Variants in AMTN observed in about 807,000 individuals in gnomAD.
The protein encoded by AMTN is amelotin.
In AMTN, 29 loss-of-function variants were observed where a neutral mutation model predicts 27.4. The observed-to-expected ratio is 1.06, with a 90% confidence interval of 0.79 to 1.44. AMTN has a LOEUF of 1.44. Ranked by LOEUF, AMTN falls within the 40% of genes most tolerant of loss-of-function variation. The probability of loss-of-function intolerance (pLI) is 0.00; values close to 1 mark genes in which losing one functional copy is unlikely to be tolerated. For synonymous variants in AMTN, 86 were observed against 95.7 expected, an observed-to-expected ratio of 0.90 and a Z score of 0.59; for missense variants, 247 against 248.8, an observed-to-expected ratio of 0.99 and a Z score of 0.05.
Position 70,532,465 on chromosome 4 carries a change from A to C in AMTN, c.630A>C (p.Ter210TyrextTer8). 6.2e-7 allele frequency: 1 copy of C among 1,606,670 alleles called. No individual in the cohort carries two copies. The highest frequency in any genetic ancestry group is 1.1e-5 in the South Asian group (1 of 89,620). The change falls in exon 9 of 9, where the codon TAA becomes TAC. Residue 210 changes from the stop codon to tyrosine, a stop_lost. Transcript: ENST00000339336. Reference protein sequence around the residue: ...ATTESANGIQ* With the variant: ...ATTESANGIQY ...TTTATTTTCTTCCAGGAATTCAGTA[A>C]GCTGTTTCAAATTTTTTCAACTAAG...
intron 4 of AMTN, 101 bp from the exon 5 acceptor site, chr4:70,524,771 C>A: frequency 9.1e-7 from 1 of 1,098,226 alleles, no homozygotes; most frequent in South Asian, 1.3e-5. Context: ...CATAGCAACT[C>A]CTTCCTTTAA....
intron 5 of AMTN, among the ~76,000 whole-genome samples, chr4:70,527,643 A>T (rs983860245): frequency 7.9e-5 from 12 of 152,218 alleles, no homozygotes; most frequent in Non-Finnish European, 1.6e-4. Flanking sequence ...AGTCTATTTC[A>T]TAAGACTTTC....
chr4:70,530,980 A>C, intron 7 of AMTN, 59 bp from the exon 8 acceptor site: 1 of 1,590,028 alleles, frequency 6.3e-7, no homozygotes, highest in Non-Finnish European at 8.6e-7. Context: ...CTCCCCTTAA[A>C]AGAGAAAAGA....
chr4:70,523,860 C>T lies in AMTN; in HGVS notation c.139-8C>T, dbSNP rs761441656. ...CTTGTCTCATACATCACTTTCAATC[C>T]CCTGCAGGTCTTTCCTTCTTTAAGT... On this transcript the variant is annotated splice_region_variant and splice_polypyrimidine_tract_variant and intron_variant, in intron 3 of 8. Transcript: ENST00000339336. The T allele has an allele frequency of 7.4e-6, 12 of 1,612,378 alleles. No homozygotes were observed. Among genetic ancestry groups the T allele is most frequent in the African/African-American group, 1.3e-5 (1 of 74,860 alleles).
Position 70,518,644 on chromosome 4 carries a change from T to C in AMTN, c.-26T>C, listed in dbSNP as rs1735872083. On this transcript the variant is annotated 5_prime_UTR_variant, in exon 1 of 9. Coordinates refer to ENST00000339336, the MANE Select transcript of AMTN (RefSeq NM_212557.4). Reference sequence around the variant, plus strand: ...CTTGAGTATTGTACATTTTGCCTCGTGGACCCAAAGGTAACATTAATTGAC... The same window carrying C: ...CTTGAGTATTGTACATTTTGCCTCGCGGACCCAAAGGTAACATTAATTGAC... 2.8e-6 allele frequency: 2 copies of C among 715,868 alleles called. No homozygotes were observed. The highest frequency in any genetic ancestry group is 3.5e-5 in the South Asian group (2 of 57,622). The allele number at this position is 715,868 out of a possible 1,614,324, so 44.3% of individuals were successfully genotyped here.
chr4:70,532,494 C>G lies in AMTN; in HGVS notation c.*29C>G, dbSNP rs1474010261. 1 of 1,603,884 alleles carries G rather than the reference C, an allele frequency of 6.2e-7. No individual in the cohort carries two copies. The highest frequency in any genetic ancestry group is 1.7e-5 in the Admixed American group (1 of 59,280). On this transcript the variant is annotated 3_prime_UTR_variant, in exon 9 of 9. Coordinates refer to ENST00000339336, the MANE Select transcript of AMTN (RefSeq NM_212557.4). ...GTTTCAAATTTTTTCAACTAAGCTG[C>G]CTCGAATTTGGTGATACATGTGAAT...
chr4:70,528,713 AT>A lies in AMTN; in HGVS notation c.295-4del, dbSNP rs756968401. The A allele has an allele frequency of 9.3e-6, 15 of 1,607,280 alleles. No homozygotes were observed. The African/African-American group carries it at 1.5e-4, about 16-fold the overall frequency. On this transcript the variant is annotated splice_polypyrimidine_tract_variant and intron_variant, in intron 5 of 8. Transcript: ENST00000339336. ...TTACTTTTGAAAGAGTTTTTCTCTCATTTTTTCAGGTGTTACCAATTTTTGT... is the reference window on the plus strand; with the variant it reads ...TTACTTTTGAAAGAGTTTTTCTCTCATTTTTCAGGTGTTACCAATTTTTGT...
chr4:70,520,948 G>A (rs1390524147), intron 2 of AMTN, among the ~76,000 whole-genome samples: 1 of 152,210 alleles, frequency 6.6e-6, no homozygotes, highest in Non-Finnish European at 1.5e-5. Flanking sequence ...GACTTTACCT[G>A]TTGCAGAAAC....
chr4:70,531,487 T>A (rs1296753243), intron 8 of AMTN, among the ~76,000 whole-genome samples, 187 bp downstream of exon 8: 3 of 152,192 alleles, frequency 2.0e-5, no homozygotes, highest in Admixed American at 6.5e-5. Flanking sequence ...CCCCCAGGTA[T>A]TAACACTGAA....
intron 8 of AMTN, among the ~76,000 whole-genome samples, chr4:70,531,778 C>T (rs1463805064): frequency 6.6e-6 from 1 of 152,126 alleles, no homozygotes; most frequent in Non-Finnish European, 1.5e-5. Flanking sequence ...TCCCAAAGTG[C>T]TGGGATTACA....
chr4:70,523,965 A>G, intron 4 of AMTN, 32 bp downstream of exon 4: 1 of 1,558,428 alleles, frequency 6.4e-7, no homozygotes, highest in South Asian at 1.1e-5. Flanking sequence ...TTTAATACCC[A>G]TTGTGAAATA....
At position 70,532,597 on chromosome 4, in the gene AMTN, G is replaced by C; in HGVS notation, c.*132G>C. The C allele has an allele frequency of 1.2e-6, 1 of 833,844 alleles. No individual in the cohort carries two copies. The highest frequency in any genetic ancestry group is 2.8e-5 in the East Asian group (1 of 35,646). 51.7% of individuals were successfully genotyped at this position (833,844 alleles called of 1,614,324 possible). On this transcript the variant is annotated 3_prime_UTR_variant, in exon 9 of 9. Coordinates refer to ENST00000339336, the MANE Select transcript of AMTN (RefSeq NM_212557.4). ...GAAGAAATTAATTCTTAATTTACCT[G>C]AAAATATTCTTGAAATTTCAGAAAA...
chr4:70,523,207 A>G (rs555636535), intron 3 of AMTN, among the ~76,000 whole-genome samples: 1 of 152,358 alleles, frequency 6.6e-6, no homozygotes, highest in South Asian at 2.1e-4. Context: ...TGCCAGCAAT[A>G]GCAGGGAATC....
intron 2 of AMTN, among the ~76,000 whole-genome samples, chr4:70,521,751 C>G (rs1687907594): frequency 7.0e-6 from 1 of 142,358 alleles, no homozygotes; most frequent in South Asian, 2.3e-4. Context: ...TCCCGAGTAG[C>G]TGGGACTATA....
rs182229369 is a variant in AMTN, at chr4:70,528,848, G to T, written c.330+90G>T. On this transcript the variant is annotated intron_variant, in intron 6 of 8. Transcript: ENST00000339336. ...CCTCAATTCACTAGATAGTTGTGAG[G>T]TTTCCAATGTACTTTGTACTGTATG... is the stretch of plus-strand genomic sequence containing the variant. 4 of 1,147,182 alleles carry T rather than the reference G, an allele frequency of 3.5e-6. No homozygotes were observed. In the African/African-American group the frequency reaches 6.3e-5, roughly 18 times the overall value. The allele number at this position is 1,147,182 out of a possible 1,614,324, so 71.1% of individuals were successfully genotyped here.
At chr4:70,522,614 G>A (rs1736000710) in intron 2 of AMTN, 141 bp from the exon 3 acceptor site, 4 of 816,238 alleles carry the variant, frequency 4.9e-6, no homozygotes. Context: ...TGCACATAAT[G>A]TTTCAGGGAA....
At position 70,522,796 on chromosome 4, in the gene AMTN, T is replaced by C. The variant is rs145073103; in HGVS notation, c.96T>C (p.Ala32=). The C allele has an allele frequency of 1.1e-5, 17 of 1,613,974 alleles. No homozygotes were observed. The highest frequency in any genetic ancestry group is 1.7e-5 in the Admixed American group (1 of 60,006). Residue 32 remains alanine (A), a synonymous_variant, in exon 3 of 9, where the codon GCT becomes GCC. Coordinates refer to ENST00000339336, the MANE Select transcript of AMTN (RefSeq NM_212557.4). ...PALGLPPTKL[A]PDQGTLPNQQ... ...TGGGACTCCCTCCCACAAAACTGGCTCCGGATCAGGGAACACTACCAAACC... is the reference window on the plus strand; with the variant it reads ...TGGGACTCCCTCCCACAAAACTGGCCCCGGATCAGGGAACACTACCAAACC...
chr4:70,530,259 G>A (rs1184376380), intron 7 of AMTN, among the ~76,000 whole-genome samples: 2 of 151,546 alleles, frequency 1.3e-5, no homozygotes, highest in Non-Finnish European at 2.9e-5. Flanking sequence ...TCACGAAACA[G>A]CATTCACCTT....
At chr4:70,521,981 G>A in intron 2 of AMTN, among the ~76,000 whole-genome samples, 1 of 152,182 alleles carries the variant, frequency 6.6e-6, no homozygotes, top group East Asian at 1.9e-4. Context: ...ACTGCTCCAG[G>A]GTAACCTTAG....
Sources: gnomAD v4.1 joint callset for allele counts (sites outside exome capture counted in the v4.1 genomes callset) on GRCh38, gnomAD v4.1.1 for gene constraint, MANE v1.5 for transcripts, NCBI Gene and HGNC (gene_info 2026-07-23, HGNC 2026-07-21) for gene names.